The following ARL15 variants were observed in gnomAD, a reference collection of about 807,000 sequenced individuals.
The protein encoded by ARL15 is ARF like GTPase 15.
In ARL15, 19 loss-of-function variants were observed where a neutral mutation model predicts 25.2. That is an observed-to-expected ratio of 0.75 (90% CI 0.53 to 1.10). The LOEUF (loss-of-function observed/expected upper bound fraction) is 1.10, where lower values mean the gene tolerates loss of function less well. ARL15 is among the 50% of genes least tolerant of loss of function. The pLI is 0.00. For missense variants in ARL15, 220 were observed against 246.0 expected (o/e 0.89, Z 0.71); for synonymous variants, 94 against 86.8 (o/e 1.08, Z -0.46).
chr5:53,981,861 T>C lies in ARL15; in HGVS notation c.463-95148A>G, dbSNP rs573568333. 2.0e-5 allele frequency among the ~76,000 whole-genome samples: 3 copies of C among 149,974 alleles called. No individual in the cohort carries two copies. The South Asian group carries it at 6.3e-4, about 32-fold the overall frequency. The stretch of plus-strand genomic sequence containing the variant: ...GTTTTGGTGAGCTGATATCAGGCCA[T>C]TGCACTCCAGACTGGGCAACAAGAG... On this transcript the variant is annotated intron_variant, in intron 4 of 4. Transcript: ENST00000504924.
intron 4 of ARL15, among the ~76,000 whole-genome samples, chr5:54,051,280 T>C (rs77162220): frequency 0.052 from 7,903 of 152,164 alleles, 689 homozygotes; most frequent in African/African-American, 0.18. Flanking sequence ...GAAACTGAGG[T>C]CTTAAGAGTA....
intron 4 of ARL15, among the ~76,000 whole-genome samples, chr5:53,927,344 T>C (rs1405549169): frequency 6.6e-6 from 1 of 152,160 alleles, no homozygotes; most frequent in African/African-American, 2.4e-5. Flanking sequence ...CAAATGAAGA[T>C]GGACAGACAG....
intron 1 of ARL15, among the ~76,000 whole-genome samples, chr5:54,188,087 A>G (rs183142048): frequency 1.3e-5 from 2 of 152,356 alleles, no homozygotes; most frequent in African/African-American, 2.4e-5. Flanking sequence ...ATATCACACC[A>G]TAATTGTGAA....
At chr5:54,060,573 T>A (rs141535176) in intron 4 of ARL15, among the ~76,000 whole-genome samples, 14,896 of 152,260 alleles carry the variant, frequency 0.098, 967 homozygotes, top group Non-Finnish European at 0.15. Context: ...TTGTGAGGCC[T>A]CCCCAGCCAT....
chr5:53,893,226 TA>T, intron 4 of ARL15, among the ~76,000 whole-genome samples: 1 of 152,122 alleles, frequency 6.6e-6, no homozygotes, highest in Non-Finnish European at 1.5e-5. Flanking sequence ...TGTCAAATTG[TA>T]CAAGTCATGA....
intron 4 of ARL15, among the ~76,000 whole-genome samples, chr5:53,891,881 T>C (rs1466491501): frequency 6.6e-6 from 1 of 152,126 alleles, no homozygotes; most frequent in Non-Finnish European, 1.5e-5. Flanking sequence ...GTGCCAGCAC[T>C]CCAGGTGCCA....
intron 1 of ARL15, among the ~76,000 whole-genome samples, chr5:54,266,532 T>C (rs1757632421): frequency 6.6e-6 from 1 of 152,200 alleles, no homozygotes; most frequent in African/African-American, 2.4e-5. Context: ...TCTCTGTATT[T>C]AGTGGTTTAA....
chr5:54,091,802 G>A (rs1417286292), intron 4 of ARL15, among the ~76,000 whole-genome samples: 2 of 152,074 alleles, frequency 1.3e-5, no homozygotes, highest in Non-Finnish European at 2.9e-5. Context: ...AATGCAATGG[G>A]CCCTGCTGGT....
At chr5:54,230,346 G>GAAAAAAAAA (rs137882615) in intron 1 of ARL15, among the ~76,000 whole-genome samples, 49 of 91,812 alleles carry the variant, frequency 5.3e-4, no homozygotes, top group Non-Finnish European at 6.2e-4. Context: ...TTCCATCTCA[G>GAAAAAAAAA]AAAAAAAAAA....
intron 4 of ARL15, among the ~76,000 whole-genome samples, chr5:53,895,468 T>C (rs189679357): frequency 1.3e-5 from 2 of 152,324 alleles, no homozygotes; most frequent in East Asian, 1.9e-4. Context: ...GAAGTTTTCT[T>C]ACCAACTCCC....
At chr5:53,980,385 A>C (rs969017272) in intron 4 of ARL15, among the ~76,000 whole-genome samples, 15 of 152,238 alleles carry the variant, frequency 9.9e-5, no homozygotes, top group Admixed American at 6.5e-5. Flanking sequence ...GAAAGAGTTC[A>C]CACACAGCCA....
chr5:54,252,593 G>A (rs1375649663), intron 1 of ARL15, among the ~76,000 whole-genome samples: 1 of 152,146 alleles, frequency 6.6e-6, no homozygotes, highest in East Asian at 1.9e-4. Flanking sequence ...TGGTCAAAGT[G>A]ATGTCTAAAA....
At chr5:53,902,997 C>A (rs1580063100) in intron 4 of ARL15, among the ~76,000 whole-genome samples, 1 of 152,274 alleles carries the variant, frequency 6.6e-6, no homozygotes, top group East Asian at 1.9e-4. Flanking sequence ...TCTTTCCCTG[C>A]TGGCAATACA....
At chr5:54,126,532 T>C (rs1753256621) in intron 3 of ARL15, among the ~76,000 whole-genome samples, 1 of 152,212 alleles carries the variant, frequency 6.6e-6, no homozygotes, top group Admixed American at 6.5e-5. Context: ...AAAACTTCTC[T>C]GCTATGATTT....
At chr5:54,211,467 C>CTTTTTTTT (rs57554255) in intron 1 of ARL15, among the ~76,000 whole-genome samples, 4 of 119,626 alleles carry the variant, frequency 3.3e-5, no homozygotes, top group African/African-American at 6.4e-5. Context: ...AAATGAAACA[C>CTTTTTTTT]TTTTTTTTTT....
intron 4 of ARL15, among the ~76,000 whole-genome samples, chr5:53,996,748 G>C (rs563767613): frequency 6.6e-6 from 1 of 151,910 alleles, no homozygotes; most frequent in Non-Finnish European, 1.5e-5. Context: ...TTAGGTGAAA[G>C]TCCCCTAGGT....
intron 1 of ARL15, among the ~76,000 whole-genome samples, chr5:54,201,884 C>G (rs1398570109): frequency 1.3e-5 from 2 of 152,062 alleles, no homozygotes; most frequent in Non-Finnish European, 2.9e-5. Context: ...CTTAGAAAAC[C>G]TCAAGTCAGA....
chr5:54,141,444 G>C (rs1204935371), intron 3 of ARL15, among the ~76,000 whole-genome samples: 1 of 151,890 alleles, frequency 6.6e-6, no homozygotes, highest in African/African-American at 2.4e-5. Context: ...AAGGGCCAAA[G>C]TCTCCACAAA....
chr5:54,050,701 T>C (rs946387924), intron 4 of ARL15, among the ~76,000 whole-genome samples: 3 of 152,176 alleles, frequency 2.0e-5, no homozygotes, highest in African/African-American at 4.8e-5. Flanking sequence ...GAAAAAGTAA[T>C]CTTTAACACC....
Sources: allele counts gnomAD v4.1 joint callset (sites outside exome capture counted in the v4.1 genomes callset), GRCh38; gene constraint gnomAD v4.1.1; transcripts MANE v1.5; gene names NCBI Gene and HGNC (gene_info 2026-07-23, HGNC 2026-07-21).